Variants in CCDC18 observed in about 807,000 individuals in gnomAD.
CCDC18 encodes the protein coiled-coil domain-containing protein 18.
CCDC18 carries 157 observed loss-of-function variants against 196.0 expected under a neutral mutation model. The observed-to-expected ratio is 0.80, with a 90% CI of 0.70 to 0.91. The LOEUF (loss-of-function observed/expected upper bound fraction) is 0.91. CCDC18 is among the 40% of genes least tolerant of loss of function. CCDC18 has a pLI of 0.00. For missense variants in CCDC18, 1,465 were observed against 1,611.6 expected (o/e 0.91, Z 1.56); for synonymous variants, 482 against 529.2 (o/e 0.91, Z 1.22).
At chr1:93,190,676 C>CTTT in intron 4 of CCDC18, 2 of 305,932 alleles carry the variant, frequency 6.5e-6, no homozygotes, top group Non-Finnish European at 1.2e-5. Context: ...TTTTCTTTCC[C>CTTT]TTTTTTTTTT....
chr1:93,206,326 C>T lies in CCDC18; in HGVS notation c.917+695C>T, dbSNP rs368954992. On this transcript the variant is annotated intron_variant, in intron 8 of 28. Coordinates refer to ENST00000690025, the MANE Select transcript of CCDC18 (RefSeq NM_001378204.1). The stretch of plus-strand genomic sequence containing the variant: ...TAGAGTATTTTTTAGAATCGGTTAT[C>T]GATTGCAAGATATACTTTTAAGAAA... 5.9e-5 allele frequency among the ~76,000 whole-genome samples: 9 copies of T among 152,008 alleles called. No individual in the cohort carries two copies. The South Asian group carries it at 6.2e-4, about 10-fold the overall frequency.
Position 93,184,147 on chromosome 1 carries a change from G to A in CCDC18, c.303+1G>A. 2.7e-6 allele frequency: 4 copies of A among 1,486,860 alleles called. No homozygotes were observed. In the South Asian group the frequency reaches 4.5e-5, roughly 17 times the overall value. 92.1% of individuals were successfully genotyped at this position (1,486,860 alleles called of 1,614,324 possible). The stretch of plus-strand genomic sequence containing the variant: ...TTTTCAAAAAAAGCCAAGAGATAAG[G>A]TTATTGTTTTTAGACCTATCTAGTT... On this transcript the variant is annotated splice_donor_variant, in intron 3 of 28. Coordinates refer to ENST00000690025, the MANE Select transcript of CCDC18 (RefSeq NM_001378204.1). LOFTEE classifies it high-confidence loss of function.
At chr1:93,269,365 T>C (rs1240491112) in intron 27 of CCDC18, among the ~76,000 whole-genome samples, 1 of 151,398 alleles carries the variant, frequency 6.6e-6, no homozygotes, top group African/African-American at 2.4e-5. Flanking sequence ...ACATGGCACA[T>C]GTATACATAT....
intron 22 of CCDC18, 45 bp downstream of exon 22, chr1:93,246,249 C>T (rs1437224222): frequency 6.6e-6 from 9 of 1,357,802 alleles, no homozygotes; most frequent in Non-Finnish European, 9.1e-6. Context: ...TCTGTTATGA[C>T]ACAGTCACAC....
In CCDC18 at chr1:93,246,236, T is replaced by G. The variant is rs3754187; in HGVS notation, c.3081+32T>G. On this transcript the variant is annotated intron_variant, in intron 22 of 28. Coordinates refer to ENST00000690025, the MANE Select transcript of CCDC18 (RefSeq NM_001378204.1). Reference sequence around the variant, plus strand: ...TTTTCTTGATTATATTTTAATGGAGTTTTCTGTTATGACACAGTCACACAG... The same window carrying G: ...TTTTCTTGATTATATTTTAATGGAGGTTTCTGTTATGACACAGTCACACAG... 8,549 of 1,472,686 alleles carry G rather than the reference T, an allele frequency of 5.8e-3. 272 individuals are homozygous for G. The African/African-American group carries it at 0.084, about 14-fold the overall frequency. 91.2% of individuals were successfully genotyped at this position (1,472,686 alleles called of 1,614,324 possible).
chr1:93,197,534 A>ATG (rs1459638512), intron 6 of CCDC18, among the ~76,000 whole-genome samples: 4 of 151,754 alleles, frequency 2.6e-5, no homozygotes, highest in Non-Finnish European at 5.9e-5. Context: ...GTACATATAT[A>ATG]TGTGTGTGTG....
At chr1:93,255,705 C>A (rs191223092) in intron 24 of CCDC18, among the ~76,000 whole-genome samples, 1 of 149,274 alleles carries the variant, frequency 6.7e-6, no homozygotes, top group Admixed American at 6.8e-5. Flanking sequence ...CACTGCCCTC[C>A]AATCTGGGCA....
chr1:93,197,745 CTTTTTTT>C (rs71094240), intron 6 of CCDC18, among the ~76,000 whole-genome samples: 1 of 76,008 alleles, frequency 1.3e-5, no homozygotes, highest in Non-Finnish European at 2.4e-5. Flanking sequence ...CTTTTCTTTT[CTTTTTTT>C]TTTTTTTTTT....
At chr1:93,263,553 T>C (rs1227791965) in intron 26 of CCDC18, among the ~76,000 whole-genome samples, 3 of 152,204 alleles carry the variant, frequency 2.0e-5, no homozygotes, top group African/African-American at 4.8e-5. Flanking sequence ...ACATACAAGA[T>C]ACTCTAGTTT....
At chr1:93,232,125 A>G (rs1659329056) in intron 17 of CCDC18, among the ~76,000 whole-genome samples, 1 of 152,214 alleles carries the variant, frequency 6.6e-6, no homozygotes, top group Non-Finnish European at 1.5e-5. Flanking sequence ...AAATTCCAGA[A>G]TTCTAAAGGA....
chr1:93,217,677 G>T (rs1656730861), intron 13 of CCDC18, 61 bp from the exon 14 acceptor site: 2 of 1,424,106 alleles, frequency 1.4e-6, no homozygotes, highest in South Asian at 1.4e-5. Context: ...GGATTCAAGC[G>T]ATCTGCCTGC....
intron 17 of CCDC18, among the ~76,000 whole-genome samples, chr1:93,230,663 TTTG>T (rs35914945): frequency 0.13 from 19,328 of 152,094 alleles, 1,451 homozygotes; most frequent in Non-Finnish European, 0.17. Flanking sequence ...GAAATAAAAT[TTTG>T]TTGTTATTAT....
At chr1:93,278,346 G>T in intron 28 of CCDC18, 117 bp from the exon 29 acceptor site, 1 of 401,644 alleles carries the variant, frequency 2.5e-6, no homozygotes, top group East Asian at 3.7e-5. Context: ...TTTTTCAGTA[G>T]ACTAAATATT....
chr1:93,219,912 G>A (rs1657124812), intron 14 of CCDC18, among the ~76,000 whole-genome samples: 1 of 152,114 alleles, frequency 6.6e-6, no homozygotes, highest in South Asian at 2.1e-4. Flanking sequence ...ATTGAACAAA[G>A]CCTCAGAGAT....
chr1:93,255,769 G>GGAAGAGGAAGAAGAGGAA (rs3067453), intron 24 of CCDC18, among the ~76,000 whole-genome samples: 7 of 145,234 alleles, frequency 4.8e-5, no homozygotes, highest in African/African-American at 1.3e-4. Context: ...AAGAAGAGGA[G>GGAAGAGGAAGAAGAGGAA]GAAGAGGAAG....
chr1:93,268,662 G>A (rs1437460284), intron 27 of CCDC18, among the ~76,000 whole-genome samples: 1 of 151,474 alleles, frequency 6.6e-6, no homozygotes, highest in Non-Finnish European at 1.5e-5. Flanking sequence ...GCAGCCAACA[G>A]ACACATGAAA....
intron 28 of CCDC18, chr1:93,271,264 A>G: frequency 1.0e-6 from 1 of 985,356 alleles, no homozygotes; most frequent in South Asian, 4.7e-5. Context: ...AAGTTGATTT[A>G]CTGAATTAGC....
intron 14 of CCDC18, among the ~76,000 whole-genome samples, chr1:93,221,242 C>T (rs897804163): frequency 6.6e-6 from 1 of 152,154 alleles, no homozygotes; most frequent in African/African-American, 2.4e-5. Flanking sequence ...TTTACACTCC[C>T]ATCAGCAATG....
chr1:93,216,725 A>C lies in CCDC18; in HGVS notation c.1809A>C (p.Ala603=). ...ATTCCTCTATTGCTGCAAAAAATGC[A>C]GAACTAGAACAGGAGCTTATGGTAA... ...VAYSSIAAKN[A]ELEQELMEKN... The change falls in exon 13 of 29, where the codon GCA becomes GCC. Residue 603 remains alanine (A), a synonymous_variant. Coordinates refer to ENST00000690025, the MANE Select transcript of CCDC18 (RefSeq NM_001378204.1). 1.3e-6 allele frequency: 2 copies of C among 1,565,338 alleles called. No homozygotes were observed. The highest frequency in any genetic ancestry group is 1.7e-6 in the Non-Finnish European group (2 of 1,151,506).
Sources: allele counts gnomAD v4.1 joint callset (sites outside exome capture counted in the v4.1 genomes callset), GRCh38; gene constraint gnomAD v4.1.1; transcripts MANE v1.5; gene names NCBI Gene and HGNC (gene_info 2026-07-23, HGNC 2026-07-21).